The following PPP6R2 variants were observed in gnomAD, a reference collection of about 807,000 sequenced individuals.
PPP6R2 encodes the protein serine/threonine-protein phosphatase 6 regulatory subunit 2.
PPP6R2 carries 62 observed loss-of-function variants against 100.2 expected under a neutral mutation model. That is an observed-to-expected ratio of 0.62 (90% CI 0.50 to 0.76). The LOEUF is 0.76. Ranked by LOEUF, PPP6R2 falls within the 30% of genes least tolerant of loss-of-function variation. The pLI is 0.00. For missense variants in PPP6R2, 1,142 were observed against 1,276.3 expected (o/e 0.89, Z 1.60); for synonymous variants, 525 against 514.7 (o/e 1.02, Z -0.27).
At chr22:50,436,315 C>A in intron 13 of PPP6R2, 52 bp from the exon 14 acceptor site, 1 of 1,515,964 alleles carries the variant, frequency 6.6e-7, no homozygotes, top group Non-Finnish European at 9.0e-7. Context: ...GGGTGCCCTG[C>A]ACCATCTGCA....
At chr22:50,368,334 G>A (rs1445441226) in intron 1 of PPP6R2, among the ~76,000 whole-genome samples, 1 of 152,138 alleles carries the variant, frequency 6.6e-6, no homozygotes, top group Non-Finnish European at 1.5e-5. Context: ...AGTAACGGGT[G>A]CCTTCTCAGG....
At chr22:50,412,452 G>A (rs546262822) in intron 4 of PPP6R2, among the ~76,000 whole-genome samples, 93 of 152,046 alleles carry the variant, frequency 6.1e-4, no homozygotes, top group African/African-American at 2.1e-3. Flanking sequence ...TCAAGTGCCA[G>A]GATTACAGGC....
At chr22:50,403,575 G>T (rs566160048) in intron 3 of PPP6R2, among the ~76,000 whole-genome samples, 1 of 152,274 alleles carries the variant, frequency 6.6e-6, no homozygotes, top group African/African-American at 2.4e-5. Context: ...GCTAGTGAGG[G>T]GATGAGCTTG....
chr22:50,382,612 C>T (rs1340532731), intron 2 of PPP6R2, among the ~76,000 whole-genome samples: 1 of 151,742 alleles, frequency 6.6e-6, no homozygotes, highest in Admixed American at 6.6e-5. Context: ...TAAAAAATAC[C>T]TGGGAATAAA....
chr22:50,387,166 T>TC (rs1362488518), intron 2 of PPP6R2, among the ~76,000 whole-genome samples: 1 of 152,078 alleles, frequency 6.6e-6, no homozygotes, highest in African/African-American at 2.4e-5. Context: ...GCTCAAGCGA[T>TC]CCCCCTGCCT....
At chr22:50,394,328 C>T (rs2056277907) in intron 3 of PPP6R2, among the ~76,000 whole-genome samples, 193 bp downstream of exon 3, 1 of 152,176 alleles carries the variant, frequency 6.6e-6, no homozygotes, top group African/African-American at 2.4e-5. Context: ...GGTGCAGTGG[C>T]TCACGCCTGT....
At chr22:50,427,087 G>A (rs2062279135) in intron 10 of PPP6R2, among the ~76,000 whole-genome samples, 1 of 151,596 alleles carries the variant, frequency 6.6e-6, no homozygotes, top group South Asian at 2.1e-4. Context: ...TACTTGGGAG[G>A]CTGAGGCAGG....
chr22:50,366,047 G>C (rs1462362822), intron 1 of PPP6R2, among the ~76,000 whole-genome samples: 1 of 152,066 alleles, frequency 6.6e-6, no homozygotes, highest in Non-Finnish European at 1.5e-5. Flanking sequence ...TGGATACTGA[G>C]CATTTTTGTG....
At chr22:50,373,753 A>G (rs1202341901) in intron 2 of PPP6R2, among the ~76,000 whole-genome samples, 5 of 151,258 alleles carry the variant, frequency 3.3e-5, no homozygotes, top group Non-Finnish European at 5.9e-5. Flanking sequence ...TTTTTTTGTG[A>G]GACAGAGTCT....
In PPP6R2 at chr22:50,394,105, C is replaced by T; in HGVS notation, c.197C>T (p.Pro66Leu). 2 of 1,614,108 alleles carry T rather than the reference C, an allele frequency of 1.2e-6. No homozygotes were observed. The highest frequency in any genetic ancestry group is 8.5e-7 in the Non-Finnish European group (1 of 1,180,018). Residue 66 changes from proline (P) to leucine (L), a missense_variant, in exon 3 of 24, where the codon CCC (proline) becomes CTC (leucine). Physicochemically the swap from Pro to Leu is moderately conservative, Grantham distance 98. Transcript: ENST00000612753. ...GTGAGCCTCATCACACAGGATCCGC[C>T]CCTGGACATGGAGGAGAAGGTCCGC... ...ELVSLITQDP[P>L]LDMEEKVRFK... is the part of the protein sequence containing the mutation.
At chr22:50,368,036 CAGAG>C (rs1414905419) in intron 1 of PPP6R2, among the ~76,000 whole-genome samples, 2 of 152,196 alleles carry the variant, frequency 1.3e-5, no homozygotes, top group African/African-American at 4.8e-5. Flanking sequence ...CCGAGGCGGA[CAGAG>C]AGAGAAGAGC....
At position 50,408,946 on chromosome 22, in the gene PPP6R2, C is replaced by T. The variant is rs982208785; in HGVS notation, c.414+2071C>T. ...CCTGACCAACGTGGAGAAACCCCGT[C>T]TCTACTAAAAATACAAAATTAGCCG... On this transcript the variant is annotated intron_variant, in intron 4 of 23. Coordinates refer to ENST00000612753, the MANE Select transcript of PPP6R2 (RefSeq NM_001242898.2). Among the ~76,000 whole-genome samples the T allele has an allele frequency of 5.9e-5, 9 of 152,200 alleles. 1 individual carries two copies. Among genetic ancestry groups the T allele is most frequent in the African/African-American group, 2.2e-4 (9 of 41,444 alleles).
At chr22:50,352,998 G>C (rs2045658289) in intron 1 of PPP6R2, among the ~76,000 whole-genome samples, 1 of 152,188 alleles carries the variant, frequency 6.6e-6, no homozygotes, top group African/African-American at 2.4e-5. Context: ...TGGGACGTCA[G>C]AGCTGCAGTG....
intron 3 of PPP6R2, among the ~76,000 whole-genome samples, chr22:50,405,540 A>G (rs866999275): frequency 4.2e-3 from 232 of 54,896 alleles, no homozygotes; most frequent in East Asian, 5.9e-3. Flanking sequence ...GGAGAGAGGT[A>G]AGAGGCCTGG....
chr22:50,375,162 T>G (rs2051201715), intron 2 of PPP6R2, among the ~76,000 whole-genome samples: 1 of 151,988 alleles, frequency 6.6e-6, no homozygotes, highest in Non-Finnish European at 1.5e-5. Flanking sequence ...TCAAATAAAT[T>G]TTGCAAGAAA....
intron 2 of PPP6R2, among the ~76,000 whole-genome samples, chr22:50,374,665 C>T (rs2051036967): frequency 6.6e-6 from 1 of 151,996 alleles, no homozygotes; most frequent in South Asian, 2.1e-4. Context: ...CCTGTAATCC[C>T]AGCACTTTGG....
chr22:50,395,821 C>T (rs967870263), intron 3 of PPP6R2, among the ~76,000 whole-genome samples: 2 of 151,704 alleles, frequency 1.3e-5, no homozygotes, highest in Non-Finnish European at 2.9e-5. Context: ...CCCACCTCGG[C>T]CTCCCAAAGT....
At chr22:50,415,840 G>C (rs2060455470) in intron 5 of PPP6R2, among the ~76,000 whole-genome samples, 1 of 152,252 alleles carries the variant, frequency 6.6e-6, no homozygotes, top group Non-Finnish European at 1.5e-5. Flanking sequence ...GAGAAGTCCT[G>C]AAGACAGAGC....
intron 3 of PPP6R2, among the ~76,000 whole-genome samples, chr22:50,396,460 A>G (rs146190085): frequency 6.7e-6 from 1 of 149,344 alleles, no homozygotes; most frequent in Non-Finnish European, 1.5e-5. Flanking sequence ...GCTCCACTGC[A>G]CTCCAGCCTG....
Sources: allele counts gnomAD v4.1 joint callset (sites outside exome capture counted in the v4.1 genomes callset), GRCh38; gene constraint gnomAD v4.1.1; transcripts MANE v1.5; gene names NCBI Gene and HGNC (gene_info 2026-07-23, HGNC 2026-07-21).